The following MAGI1 variants were observed in gnomAD, a reference collection of about 807,000 sequenced individuals.
MAGI1 encodes membrane-associated guanylate kinase, WW and PDZ domain-containing protein 1.
A neutral mutation model predicts 139.9 loss-of-function variants in MAGI1; 58 were observed. The observed-to-expected ratio is 0.41, with a 90% CI of 0.34 to 0.52. The LOEUF is 0.52. Among genes scored for constraint, MAGI1 ranks in the 20% least tolerant of loss-of-function variants. The pLI is 0.12. For synonymous variants in MAGI1, 812 were observed against 737.9 expected (o/e 1.10, Z -1.63); for missense variants, 1,874 against 1,901.6 (o/e 0.99, Z 0.27).
intron 3 of MAGI1, among the ~76,000 whole-genome samples, chr3:65,484,432 G>A (rs568974764): frequency 2.0e-5 from 3 of 152,236 alleles, no homozygotes; most frequent in East Asian, 3.9e-4. Flanking sequence ...ATTTTCAACG[G>A]GGCAATATCA....
At chr3:65,646,851 A>G (rs2085291786) in intron 1 of MAGI1, among the ~76,000 whole-genome samples, 1 of 152,058 alleles carries the variant, frequency 6.6e-6, no homozygotes, top group Admixed American at 6.6e-5. Context: ...CGACATAAAT[A>G]AAAAAACAAC....
At chr3:66,027,282 AAATAAATAAATAAATAAATAAAT>A (rs2068332709) in intron 1 of MAGI1, among the ~76,000 whole-genome samples, 1 of 31,604 alleles carries the variant, frequency 3.2e-5, no homozygotes. Flanking sequence ...ATAAATAAAT[AAATAAATAAATAAATAAATAAAT>A]AAATAAATAA....
At chr3:65,478,954 T>C (rs910351470) in intron 3 of MAGI1, among the ~76,000 whole-genome samples, 156 bp from the exon 4 acceptor site, 5 of 152,072 alleles carry the variant, frequency 3.3e-5, no homozygotes, top group African/African-American at 9.7e-5. Flanking sequence ...TTAGAAGAGA[T>C]ATCTTTCCTA....
intron 1 of MAGI1, among the ~76,000 whole-genome samples, chr3:65,975,660 T>A (rs1560072769): frequency 6.6e-6 from 1 of 151,934 alleles, no homozygotes; most frequent in Non-Finnish European, 1.5e-5. Context: ...AAATTAAAAA[T>A]AAAATAAAAT....
At chr3:65,952,399 G>A (rs571551927) in intron 1 of MAGI1, among the ~76,000 whole-genome samples, 1 of 152,284 alleles carries the variant, frequency 6.6e-6, no homozygotes, top group African/African-American at 2.4e-5. Flanking sequence ...CTCTGCAAAG[G>A]GAACAGGAAG....
Position 65,478,652 on chromosome 3 carries a change from T to G in MAGI1, c.697A>C (p.Ile233Leu). ...KSYNDMQNAG[I>L]VHAENEEEDD... ...TCCTCCTCATTCTCCGCGTGGACTA[T>G]GCCAGCATTTTGCATATCATTGTAG... Residue 233 changes from isoleucine (I) to leucine (L), a missense_variant, in exon 4 of 23, where the codon ATA becomes CTA. Around this residue, in one of 5 missense-constraint regions of MAGI1, gnomAD observed 648 missense variants for 598.1 expected, o/e 1.08. Transcript: ENST00000402939. 1.2e-6 allele frequency: 2 copies of G among 1,614,114 alleles called. No homozygotes were observed. Among genetic ancestry groups the G allele is most frequent in the South Asian group, 1.1e-5 (1 of 91,082 alleles).
At chr3:65,562,969 AT>A (rs1412404144) in intron 2 of MAGI1, among the ~76,000 whole-genome samples, 1 of 152,204 alleles carries the variant, frequency 6.6e-6, no homozygotes, top group Non-Finnish European at 1.5e-5. Flanking sequence ...CATACTTATA[AT>A]TCAGTGTCTA....
chr3:65,549,625 G>T, intron 2 of MAGI1: 1 of 270,632 alleles, frequency 3.7e-6, no homozygotes, highest in Non-Finnish European at 5.7e-6. Context: ...GGCTGCGGCT[G>T]GTACCCCTCT....
intron 1 of MAGI1, among the ~76,000 whole-genome samples, chr3:65,841,028 G>A (rs578240804): frequency 6.6e-6 from 1 of 152,244 alleles, no homozygotes; most frequent in African/African-American, 2.4e-5. Flanking sequence ...TCAAAAAATT[G>A]GTCCATCTCA....
At chr3:65,521,626 A>G (rs2107802293) in intron 2 of MAGI1, among the ~76,000 whole-genome samples, 1 of 152,310 alleles carries the variant, frequency 6.6e-6, no homozygotes, top group African/African-American at 2.4e-5. Context: ...AAATATGCAT[A>G]CCTGAGTTCC....
At chr3:65,910,109 G>A (rs2061597243) in intron 1 of MAGI1, among the ~76,000 whole-genome samples, 1 of 152,160 alleles carries the variant, frequency 6.6e-6, no homozygotes, top group East Asian at 1.9e-4. Context: ...ACAGGCCACA[G>A]ACCAGCATCA....
chr3:65,519,341 C>A (rs1227070054), intron 2 of MAGI1, among the ~76,000 whole-genome samples: 3 of 970 alleles, frequency 3.1e-3, no homozygotes, highest in Non-Finnish European at 0.018. Context: ...ATCTGACACA[C>A]ACACACACAC....
intron 18 of MAGI1, chr3:65,365,262 A>T: frequency 1.9e-6 from 1 of 534,858 alleles, no homozygotes; most frequent in Non-Finnish European, 3.6e-6. Context: ...CTGCCACTGA[A>T]AAAAGGCAGT....
At chr3:65,784,710 C>T (rs990042626) in intron 1 of MAGI1, among the ~76,000 whole-genome samples, 1 of 69,914 alleles carries the variant, frequency 1.4e-5, no homozygotes, top group Admixed American at 1.4e-4. Context: ...GTCTCAACAA[C>T]AACAACAACA....
chr3:65,478,537 C>A (rs1290875891), intron 4 of MAGI1, 55 bp downstream of exon 4: 1 of 1,533,848 alleles, frequency 6.5e-7, no homozygotes, highest in African/African-American at 1.4e-5. Flanking sequence ...TATGCAAAAG[C>A]CTCCTCGTCA....
chr3:65,945,394 C>G (rs2063502351), intron 1 of MAGI1, among the ~76,000 whole-genome samples: 1 of 152,142 alleles, frequency 6.6e-6, no homozygotes, highest in Non-Finnish European at 1.5e-5. Flanking sequence ...ATCTGGGGAC[C>G]ACACATTCAT....
chr3:65,778,606 G>A (rs1281444383), intron 1 of MAGI1, among the ~76,000 whole-genome samples: 1 of 152,188 alleles, frequency 6.6e-6, no homozygotes, highest in East Asian at 1.9e-4. Context: ...CAATTGCACA[G>A]GTGAGGAAAC....
Position 65,482,157 on chromosome 3 carries a change from A to C in MAGI1, c.551-3359T>G, listed in dbSNP as rs150140550. ...TTGGAAGAGACAGCTCAGAGTTGAA[A>C]GCCCACTACTAACTAACTGGCTGTG... is the stretch of plus-strand genomic sequence containing the variant. On this transcript the variant is annotated intron_variant, in intron 3 of 22. Transcript: ENST00000402939. 3.2e-3 allele frequency among the ~76,000 whole-genome samples: 488 copies of C among 152,294 alleles called. 2 individuals carry two copies. The highest frequency in any genetic ancestry group is 0.011 in the African/African-American group (475 of 41,552).
At position 65,478,608 on chromosome 3, in the gene MAGI1, C is replaced by A. The variant is rs1389855736; in HGVS notation, c.741G>T (p.Met247Ile). The A allele has an allele frequency of 6.2e-7, 1 of 1,613,998 alleles. No individual in the cohort carries two copies. Among genetic ancestry groups the A allele is most frequent in the Admixed American group, 1.7e-5 (1 of 60,006 alleles). The part of the protein sequence containing the change: ...ENEEEDDVPE[M>I]NSSFTADSGE... Reference sequence around the variant, plus strand: ...GACCTTTACCTGTAAAGCTGCTGTTCATTTCAGGAACGTCATCCTCCTCCT... The same window carrying A: ...GACCTTTACCTGTAAAGCTGCTGTTAATTTCAGGAACGTCATCCTCCTCCT... The change falls in exon 4 of 23, where the codon ATG becomes ATT. Residue 247 changes from methionine to isoleucine, a missense_variant. Physicochemically the swap from Met to Ile is conservative, Grantham distance 10. Coordinates refer to ENST00000402939, the MANE Select transcript of MAGI1 (RefSeq NM_001033057.2).
Sources: allele counts gnomAD v4.1 joint callset (sites outside exome capture counted in the v4.1 genomes callset), GRCh38; gene constraint gnomAD v4.1.1; regional missense constraint gnomAD v4.1.1; transcripts MANE v1.5; gene names NCBI Gene and HGNC (gene_info 2026-07-23, HGNC 2026-07-21).